The following ATP10B variants were observed in gnomAD, a reference collection of about 807,000 sequenced individuals.
The protein encoded by ATP10B is phospholipid-transporting ATPase VB.
A neutral mutation model predicts 141.2 loss-of-function variants in ATP10B; 122 were observed. The ratio of observed to expected loss-of-function variants is 0.86; its 90% confidence interval spans 0.75 to 1.00. ATP10B has a LOEUF of 1.00. ATP10B is among the 50% of genes least tolerant of loss of function. The pLI is 0.00. For missense variants in ATP10B, 1,876 were observed against 1,825.3 expected (o/e 1.03, Z -0.51); for synonymous variants, 685 against 692.0 (o/e 0.99, Z 0.16).
At chr5:160,604,457 CAT>C (rs2127628868) in intron 19 of ATP10B, among the ~76,000 whole-genome samples, 1 of 152,274 alleles carries the variant, frequency 6.6e-6, no homozygotes, top group East Asian at 1.9e-4. Context: ...AAATGGAACT[CAT>C]ATCTTTCAGA....
chr5:160,719,745 G>A lies in ATP10B; in HGVS notation c.-330-2711C>T, dbSNP rs114870850. On this transcript the variant is annotated intron_variant, in intron 2 of 25. Coordinates refer to ENST00000327245, the MANE Select transcript of ATP10B (RefSeq NM_025153.3). ...ATTTCGTCCATTCTATGTGCCAGGT[G>A]CTGTTGAGTAGATTATCTCTAATAC... 2.8e-3 allele frequency among the ~76,000 whole-genome samples: 421 copies of A among 152,288 alleles called. 2 individuals are homozygous for A. Among genetic ancestry groups the A allele is most frequent in the Admixed American group, 6.3e-3 (96 of 15,298 alleles).
intron 25 of ATP10B, among the ~76,000 whole-genome samples, chr5:160,567,867 G>A (rs1245359110): frequency 6.6e-6 from 1 of 152,190 alleles, no homozygotes; most frequent in Non-Finnish European, 1.5e-5. Context: ...TCCAATAGGA[G>A]ACTACCGAAA....
chr5:160,687,880 T>C lies in ATP10B; in HGVS notation c.195A>G (p.Arg65=). Residue 65 remains arginine (R), a synonymous_variant, in exon 5 of 26, where the codon AGA becomes AGG. Transcript: ENST00000327245. ...TTGTGCAGGTTCTGTTGCCAGGGTA[T>C]CTCCTGGAGACCTCTTCCCAATCTT... ...FHQDWEEVSR[R]YPGNRTCTTK... is the part of the protein sequence containing the mutation. 1 of 1,614,104 alleles carries C rather than the reference T, an allele frequency of 6.2e-7. No individual in the cohort carries two copies. The highest frequency in any genetic ancestry group is 8.5e-7 in the Non-Finnish European group (1 of 1,180,030).
chr5:160,805,820 G>T (rs924793226), intron 1 of ATP10B, among the ~76,000 whole-genome samples: 6 of 152,202 alleles, frequency 3.9e-5, no homozygotes, highest in Non-Finnish European at 7.3e-5. Flanking sequence ...ACAGAACCAA[G>T]AAGATATGTA....
intron 3 of ATP10B, among the ~76,000 whole-genome samples, chr5:160,715,713 T>TTTATTTATTTAG (rs1765595660): frequency 6.6e-6 from 1 of 150,924 alleles, no homozygotes; most frequent in Non-Finnish European, 1.5e-5. Flanking sequence ...TATTTATTTA[T>TTTATTTATTTAG]TTATTTATTT....
intron 2 of ATP10B, among the ~76,000 whole-genome samples, chr5:160,726,611 A>AGAG (rs762901173): frequency 1.5e-5 from 2 of 134,710 alleles, no homozygotes; most frequent in East Asian, 2.9e-4. Context: ...GAGAGAAGAT[A>AGAG]GAGAGTTGAA....
At position 160,687,824 on chromosome 5, in the gene ATP10B, C is replaced by T. The variant is rs200273307; in HGVS notation, c.251G>A (p.Arg84Gln). ...CCTATGAAATTGCTCAAAGAGATTCCGGGGCAGGAAGGTGAAGAGGGTGTA... is the reference window on the plus strand; with the variant it reads ...CCTATGAAATTGCTCAAAGAGATTCTGGGGCAGGAAGGTGAAGAGGGTGTA... ...TKYTLFTFLP[R>Q]NLFEQFHRWA... is the part of the protein sequence containing the mutation. The change falls in exon 5 of 26, where the codon CGG becomes CAG. Residue 84 changes from arginine (R) to glutamine (Q), a missense_variant. Arg to Gln is a conservative substitution (Grantham distance 43). Coordinates refer to ENST00000327245, the MANE Select transcript of ATP10B (RefSeq NM_025153.3). The T allele has an allele frequency of 2.0e-4, 322 of 1,613,806 alleles. No individual in the cohort carries two copies. The highest frequency in any genetic ancestry group is 7.0e-4 in the Admixed American group (42 of 59,986).
intron 3 of ATP10B, among the ~76,000 whole-genome samples, chr5:160,708,493 GCTT>G (rs1765155450): frequency 6.6e-6 from 1 of 152,124 alleles, no homozygotes; most frequent in East Asian, 1.9e-4. Flanking sequence ...TATCACAAAT[GCTT>G]CTTAATTGTC....
chr5:160,870,544 C>T, the ATP10B span, among the ~76,000 whole-genome samples: 3 of 151,566 alleles, frequency 2.0e-5, no homozygotes, highest in African/African-American at 7.3e-5. Flanking sequence ...AAAAGACAAA[C>T]TAAAAACTTC....
chr5:160,879,464 C>T, the ATP10B span, among the ~76,000 whole-genome samples: 1 of 139,662 alleles, frequency 7.2e-6, no homozygotes, highest in Non-Finnish European at 1.5e-5. Context: ...TGCAGCGCAC[C>T]AGCATGGCAC....
chr5:160,852,714 A>G (rs1272459299), upstream of ATP10B, among the ~76,000 whole-genome samples: 6 of 152,140 alleles, frequency 3.9e-5, no homozygotes, highest in Admixed American at 6.5e-5. Flanking sequence ...CAGAATTAGT[A>G]ATGGGCTTAT....
chr5:160,760,316 A>C (rs1162312973), intron 2 of ATP10B, among the ~76,000 whole-genome samples: 1 of 152,240 alleles, frequency 6.6e-6, no homozygotes, highest in African/African-American at 2.4e-5. Context: ...GCAATAACCA[A>C]GCAGGCTAGA....
chr5:160,808,263 A>C (rs1371063923), intron 1 of ATP10B, among the ~76,000 whole-genome samples: 2 of 152,192 alleles, frequency 1.3e-5, no homozygotes, highest in South Asian at 4.1e-4. Context: ...TTTGGAGAAA[A>C]GATTGGGGCT....
chr5:160,864,589 GA>G, the ATP10B span, among the ~76,000 whole-genome samples: 2,539 of 146,598 alleles, frequency 0.017, 72 homozygotes, highest in African/African-American at 0.059. Context: ...TCAGACAAGA[GA>G]AAAAAAAAAT....
At chr5:160,817,521 A>G (rs1444306275) in intron 1 of ATP10B, among the ~76,000 whole-genome samples, 3 of 152,224 alleles carry the variant, frequency 2.0e-5, no homozygotes, top group Non-Finnish European at 2.9e-5. Context: ...ATGGAAGAAC[A>G]TTCCATGCTC....
intron 6 of ATP10B, among the ~76,000 whole-genome samples, chr5:160,681,811 AAGTC>A (rs1165007611): frequency 1.3e-5 from 2 of 152,192 alleles, no homozygotes; most frequent in Non-Finnish European, 2.9e-5. Context: ...AATCAGTTAA[AAGTC>A]AGGTTATTTC....
At chr5:160,858,592 T>G in the ATP10B span, among the ~76,000 whole-genome samples, 7 of 151,972 alleles carry the variant, frequency 4.6e-5, no homozygotes, top group African/African-American at 1.7e-4. Flanking sequence ...ATTGGCATAA[T>G]CACTTGCATA....
intron 24 of ATP10B, among the ~76,000 whole-genome samples, chr5:160,570,527 C>G (rs961013862): frequency 6.6e-6 from 1 of 152,184 alleles, no homozygotes; most frequent in African/African-American, 2.4e-5. Context: ...AAGCTTACAA[C>G]TAGTTTTCCA....
At chr5:160,593,060 C>T (rs1477930520) in intron 22 of ATP10B, among the ~76,000 whole-genome samples, 2 of 152,220 alleles carry the variant, frequency 1.3e-5, no homozygotes, top group Non-Finnish European at 2.9e-5. Context: ...TTGAAGAGAG[C>T]AGTGGTTCTC....
Sources: gnomAD v4.1 joint callset for allele counts (sites outside exome capture counted in the v4.1 genomes callset) on GRCh38, gnomAD v4.1.1 for gene constraint, MANE v1.5 for transcripts, NCBI Gene and HGNC (gene_info 2026-07-23, HGNC 2026-07-21) for gene names.